RPS6KA2: variants seen among roughly 807,000 people sequenced by gnomAD.
RPS6KA2 encodes ribosomal protein S6 kinase alpha-2.
A neutral mutation model predicts 91.8 loss-of-function variants in RPS6KA2; 42 were observed. That is an observed-to-expected ratio of 0.46 (90% CI 0.36 to 0.59). The LOEUF is 0.59. RPS6KA2 is among the 20% of genes least tolerant of loss of function. RPS6KA2 has a pLI of 0.00. For missense variants in RPS6KA2, 798 were observed against 978.5 expected (o/e 0.82, Z 2.46); for synonymous variants, 414 against 393.6 (o/e 1.05, Z -0.61).
chr6:166,493,644 A>G lies in RPS6KA2; in HGVS notation c.748-2903T>C, dbSNP rs1346128563. ...AGAGGGGCTCAAGGAGATGTAGCCA[A>G]AGCTCCACCGGGTGCAGGCCCGATG... On this transcript the variant is annotated intron_variant, in intron 8 of 20. Coordinates refer to ENST00000265678, the MANE Select transcript of RPS6KA2 (RefSeq NM_021135.6). This position sits in a 1 kb window ranked among gnomAD's most constrained non-coding sequence, Gnocchi z 4.7. 1.3e-5 allele frequency among the ~76,000 whole-genome samples: 2 copies of G among 151,770 alleles called. No individual in the cohort carries two copies. Among genetic ancestry groups the G allele is most frequent in the Non-Finnish European group, 2.9e-5 (2 of 67,974 alleles).
At chr6:166,651,702 G>A (rs1348393117) in intron 2 of RPS6KA2, among the ~76,000 whole-genome samples, 1 of 152,224 alleles carries the variant, frequency 6.6e-6, no homozygotes, top group Non-Finnish European at 1.5e-5. Context: ...CCTTACACAG[G>A]ATGCTTCGAT....
chr6:166,534,291 G>T (rs964133496), intron 2 of RPS6KA2, among the ~76,000 whole-genome samples: 2 of 151,376 alleles, frequency 1.3e-5, no homozygotes, highest in Non-Finnish European at 2.9e-5. Flanking sequence ...TTGGTGGTGC[G>T]TGCCTGTAGG....
Position 166,491,287 on chromosome 6 carries a change from T to C in RPS6KA2, c.748-546A>G, listed in dbSNP as rs961097367. The stretch of plus-strand genomic sequence containing the variant: ...TCAGATACAGCTGCCGCACCCTACA[T>C]CCTTATTTTGTTATTACTGGACACC... On this transcript the variant is annotated intron_variant, in intron 8 of 20. Coordinates refer to ENST00000265678, the MANE Select transcript of RPS6KA2 (RefSeq NM_021135.6). Among the ~76,000 whole-genome samples, 4 of 152,114 alleles carry C rather than the reference T, an allele frequency of 2.6e-5. No individual in the cohort carries two copies. In the East Asian group the frequency reaches 7.7e-4, roughly 29 times the overall value.
At chr6:166,710,061 G>T (rs374995200) in intron 2 of RPS6KA2, among the ~76,000 whole-genome samples, 6 of 152,202 alleles carry the variant, frequency 3.9e-5, no homozygotes, top group African/African-American at 1.4e-4. Context: ...ATGCAACTTA[G>T]GTTTAATCCT....
intron 2 of RPS6KA2, among the ~76,000 whole-genome samples, chr6:166,672,894 C>T (rs908997748): frequency 5.3e-5 from 8 of 152,176 alleles, no homozygotes. Flanking sequence ...CCTTAAGCCT[C>T]GGCAGAAGGA....
chr6:166,856,655 A>C (rs1456115215), intron 2 of RPS6KA2, among the ~76,000 whole-genome samples: 2 of 152,238 alleles, frequency 1.3e-5, no homozygotes, highest in African/African-American at 4.8e-5. Context: ...AAACACACTG[A>C]AAGTTCCCTG....
intron 1 of RPS6KA2, among the ~76,000 whole-genome samples, chr6:166,550,650 T>A (rs967227340): frequency 6.6e-6 from 1 of 151,842 alleles, no homozygotes; most frequent in African/African-American, 2.4e-5. Flanking sequence ...GAGGTGGGTG[T>A]CTCTAGGGGT....
chr6:166,682,309 G>A (rs573348615), intron 2 of RPS6KA2, among the ~76,000 whole-genome samples: 1 of 152,294 alleles, frequency 6.6e-6, no homozygotes, highest in East Asian at 1.9e-4. Context: ...TGGTATTGAG[G>A]TGTCGTAGGA....
chr6:166,413,387 A>G (rs1162837666), intron 20 of RPS6KA2, among the ~76,000 whole-genome samples: 1 of 152,096 alleles, frequency 6.6e-6, no homozygotes, highest in Non-Finnish European at 1.5e-5. Flanking sequence ...TCTTAACTGG[A>G]TCATGCCTAT....
At chr6:166,768,854 C>A (rs1436312962) in intron 2 of RPS6KA2, among the ~76,000 whole-genome samples, 1 of 152,178 alleles carries the variant, frequency 6.6e-6, no homozygotes. Context: ...CTACTCCGGG[C>A]CTAAAGGCAG....
rs564186082 is a variant in RPS6KA2 at position 166,607,628 on chromosome 6, AG to A, written c.99+19292del. Among the ~76,000 whole-genome samples, 186 of 152,270 alleles carry A rather than the reference AG, an allele frequency of 1.2e-3. 1 individual carries two copies. Among genetic ancestry groups the A allele is most frequent in the African/African-American group, 4.0e-3 (166 of 41,562 alleles). ...GCTGCAGGGGGTCGTGGAGGGGAAA[AG>A]GGGGACAGGGTTCTGTTCTGAAGGA... On this transcript the variant is annotated intron_variant, in intron 1 of 20. Coordinates refer to ENST00000265678, the MANE Select transcript of RPS6KA2 (RefSeq NM_021135.6).
intron 2 of RPS6KA2, among the ~76,000 whole-genome samples, chr6:166,710,288 T>G (rs1289859136): frequency 2.6e-5 from 4 of 152,200 alleles, no homozygotes; most frequent in Non-Finnish European, 5.9e-5. Context: ...ACAGCATGCT[T>G]TAGCCTTTAA....
chr6:166,709,488 CAT>C (rs1054805487), intron 2 of RPS6KA2, among the ~76,000 whole-genome samples: 4 of 152,124 alleles, frequency 2.6e-5, no homozygotes, highest in Non-Finnish European at 4.4e-5. Context: ...TAAATAAACA[CAT>C]GACCAAAAAG....
intron 6 of RPS6KA2, 70 bp downstream of exon 6, chr6:166,504,436 C>A: frequency 1.1e-6 from 1 of 902,208 alleles, no homozygotes. Flanking sequence ...CAGTGGCTAC[C>A]AACATGGGCC....
chr6:166,425,989 C>G (rs1213707969), intron 16 of RPS6KA2, among the ~76,000 whole-genome samples: 2 of 151,224 alleles, frequency 1.3e-5, no homozygotes, highest in Non-Finnish European at 3.0e-5. Flanking sequence ...CCCAAATCAA[C>G]AGAATATACA....
chr6:166,685,826 C>T (rs972667395), intron 2 of RPS6KA2, among the ~76,000 whole-genome samples: 9 of 152,182 alleles, frequency 5.9e-5, no homozygotes, highest in African/African-American at 1.4e-4. Flanking sequence ...CCTTGCTCCC[C>T]GGCTAAGCTG....
intron 2 of RPS6KA2, among the ~76,000 whole-genome samples, chr6:166,674,099 T>G (rs1314859980): frequency 6.6e-6 from 1 of 152,258 alleles, no homozygotes; most frequent in Non-Finnish European, 1.5e-5. Flanking sequence ...AATTGTGTAC[T>G]GGTACTCTTA....
At chr6:166,706,411 TGAG>T (rs926233512) in intron 2 of RPS6KA2, among the ~76,000 whole-genome samples, 12 of 152,158 alleles carry the variant, frequency 7.9e-5, no homozygotes, top group Non-Finnish European at 1.2e-4. Flanking sequence ...AGAAATAAAA[TGAG>T]GAGAAGACAA....
chr6:166,420,054 G>A (rs1278768466), intron 17 of RPS6KA2, 96 bp from the exon 18 acceptor site: 2 of 1,163,168 alleles, frequency 1.7e-6, no homozygotes, highest in Non-Finnish European at 2.5e-6. Context: ...GGCAAGCTGG[G>A]GACCAGGAGG....
Sources: gnomAD v4.1 joint callset for allele counts (sites outside exome capture counted in the v4.1 genomes callset) on GRCh38, gnomAD v4.1.1 for gene constraint, Gnocchi (gnomAD v3.1) non-coding constraint, MANE v1.5 for transcripts, NCBI Gene and HGNC (gene_info 2026-07-23, HGNC 2026-07-21) for gene names.